Variants in BABAM2 observed in about 807,000 individuals in gnomAD.
The protein encoded by BABAM2 is BRISC and BRCA1-A complex member 2.
A neutral mutation model predicts 54.7 loss-of-function variants in BABAM2; 31 were observed. That is an observed-to-expected ratio of 0.57 (90% CI 0.43 to 0.77). The LOEUF is 0.77. Among genes scored for constraint, BABAM2 ranks in the 30% least tolerant of loss-of-function variants. BABAM2 has a pLI of 0.00. For missense variants in BABAM2, 364 were observed against 455.8 expected (o/e 0.80, Z 1.83); for synonymous variants, 167 against 162.9 (o/e 1.03, Z -0.19).
At chr2:28,020,975 A>ACACACC (rs1675204922) in intron 4 of BABAM2, among the ~76,000 whole-genome samples, 1 of 151,438 alleles carries the variant, frequency 6.6e-6, no homozygotes, top group East Asian at 1.9e-4. Flanking sequence ...ACACACACAC[A>ACACACC]CACACACACA....
chr2:28,099,005 C>G (rs771384451), intron 6 of BABAM2, among the ~76,000 whole-genome samples: 2 of 151,998 alleles, frequency 1.3e-5, no homozygotes, highest in Admixed American at 1.3e-4. Context: ...CCTCTAACTC[C>G]CCTTGTTTTG....
At chr2:28,145,726 C>T (rs1243926345) in intron 7 of BABAM2, among the ~76,000 whole-genome samples, 1 of 152,194 alleles carries the variant, frequency 6.6e-6, no homozygotes, top group Non-Finnish European at 1.5e-5. Flanking sequence ...TTTGCAGTTA[C>T]TCCCAGTTTT....
At chr2:28,171,117 A>ATG (rs1462626668) in intron 7 of BABAM2, among the ~76,000 whole-genome samples, 1 of 151,354 alleles carries the variant, frequency 6.6e-6, no homozygotes, top group Non-Finnish European at 1.5e-5. Flanking sequence ...TTTAAAATAT[A>ATG]TATATATATA....
At chr2:27,917,322 G>C (rs1340895493) in intron 2 of BABAM2, among the ~76,000 whole-genome samples, 2 of 152,012 alleles carry the variant, frequency 1.3e-5, no homozygotes, top group African/African-American at 4.8e-5. Flanking sequence ...GGCCCAAAGT[G>C]TTTTTTTAAA....
chr2:28,073,148 G>C (rs1024728591), intron 6 of BABAM2, among the ~76,000 whole-genome samples: 2 of 152,076 alleles, frequency 1.3e-5, no homozygotes, highest in African/African-American at 4.8e-5. Context: ...TATCGTTCTA[G>C]ATGATTTCCA....
In BABAM2 at chr2:28,135,574, G is replaced by A. The variant is rs530649650; in HGVS notation, c.680+6194G>A. ...GATCTGCTTCTCTAACCACTAGATA[G>A]ACATGTCTATCTGTGTGTTCAGTTG... is the stretch of plus-strand genomic sequence containing the variant. On this transcript the variant is annotated intron_variant, in intron 7 of 11. Coordinates refer to ENST00000379624, the MANE Select transcript of BABAM2 (RefSeq NM_199191.3). Among the ~76,000 whole-genome samples the A allele has an allele frequency of 1.6e-4, 24 of 152,202 alleles. No individual in the cohort carries two copies. In the South Asian group the frequency reaches 4.8e-3, roughly 30 times the overall value.
At chr2:28,231,558 A>G (rs1275881663) in intron 7 of BABAM2, among the ~76,000 whole-genome samples, 1 of 152,126 alleles carries the variant, frequency 6.6e-6, no homozygotes, top group African/African-American at 2.4e-5. Flanking sequence ...CTCCTGAATC[A>G]TACTGTGGAG....
intron 7 of BABAM2, among the ~76,000 whole-genome samples, chr2:28,236,908 T>C (rs968932959): frequency 6.6e-6 from 1 of 152,216 alleles, no homozygotes; most frequent in Non-Finnish European, 1.5e-5. Flanking sequence ...AAAATATGTT[T>C]CAGTAATACT....
intron 3 of BABAM2, among the ~76,000 whole-genome samples, chr2:27,954,348 G>T (rs1019937361): frequency 6.6e-6 from 1 of 152,206 alleles, no homozygotes; most frequent in African/African-American, 2.4e-5. Context: ...TTGCCAGATT[G>T]CACCGTAGGA....
chr2:28,305,611 T>G (rs1688451145), intron 11 of BABAM2, among the ~76,000 whole-genome samples: 2 of 152,202 alleles, frequency 1.3e-5, no homozygotes, highest in Admixed American at 1.3e-4. Flanking sequence ...GCAGATTTAG[T>G]ATTATTTCTT....
chr2:28,175,393 C>A (rs1674809364), intron 7 of BABAM2, among the ~76,000 whole-genome samples: 1 of 152,194 alleles, frequency 6.6e-6, no homozygotes, highest in South Asian at 2.1e-4. Flanking sequence ...GCCCTGAGTA[C>A]AAGCCCAACC....
intron 4 of BABAM2, among the ~76,000 whole-genome samples, chr2:27,998,680 GA>G (rs1291620024): frequency 6.6e-6 from 1 of 152,076 alleles, no homozygotes; most frequent in Non-Finnish European, 1.5e-5. Context: ...GAATCTAAAT[GA>G]AATGGTGATT....
At chr2:28,036,991 T>A (rs1676712315) in intron 5 of BABAM2, among the ~76,000 whole-genome samples, 1 of 152,238 alleles carries the variant, frequency 6.6e-6, no homozygotes, top group Admixed American at 6.5e-5. Context: ...GCTCAGTAAA[T>A]ATTTGTTCAA....
At chr2:28,327,959 C>T (rs942116483) in intron 11 of BABAM2, among the ~76,000 whole-genome samples, 1 of 152,148 alleles carries the variant, frequency 6.6e-6, no homozygotes, top group Non-Finnish European at 1.5e-5. Flanking sequence ...AGCCCACACC[C>T]GAGAGCCAGG....
chr2:28,236,709 C>T (rs1681948842), intron 7 of BABAM2, among the ~76,000 whole-genome samples: 1 of 152,148 alleles, frequency 6.6e-6, no homozygotes, highest in South Asian at 2.1e-4. Flanking sequence ...ATTTCAGAAT[C>T]AACATTGTGT....
At chr2:28,242,312 C>T (rs1682521467) in intron 9 of BABAM2, among the ~76,000 whole-genome samples, 1 of 152,196 alleles carries the variant, frequency 6.6e-6, no homozygotes, top group East Asian at 1.9e-4. Flanking sequence ...AGAGGGAAGC[C>T]TGTGACACCA....
intron 7 of BABAM2, among the ~76,000 whole-genome samples, chr2:28,179,078 ACTT>A (rs139730412): frequency 0.022 from 3,277 of 152,310 alleles, 43 homozygotes; most frequent in Non-Finnish European, 0.031. Context: ...AAATAACATT[ACTT>A]CTTCTCAAAC....
At chr2:28,142,189 T>C (rs1371012234) in intron 7 of BABAM2, among the ~76,000 whole-genome samples, 3 of 152,202 alleles carry the variant, frequency 2.0e-5, no homozygotes, top group African/African-American at 7.2e-5. Context: ...AATGATCATA[T>C]TGGAGTTTTT....
chr2:28,277,586 G>A (rs1195735701), intron 10 of BABAM2, among the ~76,000 whole-genome samples: 1 of 152,204 alleles, frequency 6.6e-6, no homozygotes, highest in Non-Finnish European at 1.5e-5. Flanking sequence ...CCCGCCCCAT[G>A]CCTGCCCTTT....
Sources: allele counts gnomAD v4.1 joint callset (sites outside exome capture counted in the v4.1 genomes callset), GRCh38; gene constraint gnomAD v4.1.1; transcripts MANE v1.5; gene names NCBI Gene and HGNC (gene_info 2026-07-23, HGNC 2026-07-21).